NRXN1: variants seen among roughly 807,000 people sequenced by gnomAD.
NRXN1 encodes the protein neurexin 1.
A neutral mutation model predicts 150.9 loss-of-function variants in NRXN1; 39 were observed. The ratio of observed to expected loss-of-function variants is 0.26; its 90% CI spans 0.20 to 0.34. NRXN1 has a LOEUF of 0.34. NRXN1 is among the 10% of genes least tolerant of loss of function. NRXN1 has a pLI of 1.00. For missense variants in NRXN1, 1,815 were observed against 1,949.9 expected, an observed-to-expected ratio of 0.93 and a Z score of 1.30; for synonymous variants, 924 against 757.0, an observed-to-expected ratio of 1.22 and a Z score of -3.62.
At chr2:50,454,508 C>T (rs1431761687) in intron 17 of NRXN1, among the ~76,000 whole-genome samples, 1 of 152,052 alleles carries the variant, frequency 6.6e-6, no homozygotes, top group Admixed American at 6.6e-5. Flanking sequence ...GATACACACA[C>T]AGAACCTTTA....
intron 5 of NRXN1, among the ~76,000 whole-genome samples, chr2:50,631,733 T>C (rs1267564788): frequency 6.6e-6 from 1 of 151,986 alleles, no homozygotes; most frequent in Non-Finnish European, 1.5e-5. Flanking sequence ...CAGGCCATTC[T>C]GTGTCTGGCT....
chr2:50,134,719 C>T (rs7607863), intron 18 of NRXN1, among the ~76,000 whole-genome samples: 40,160 of 152,018 alleles, frequency 0.26, 7,047 homozygotes, highest in African/African-American at 0.47. Flanking sequence ...CTCTTAAGTC[C>T]CCTAGCTGCA....
chr2:50,369,362 AT>A (rs1312814337), intron 17 of NRXN1, among the ~76,000 whole-genome samples: 9 of 152,022 alleles, frequency 5.9e-5, no homozygotes, highest in Non-Finnish European at 1.5e-5. Flanking sequence ...TCAGTTTCAG[AT>A]TAAGCTTATT....
At chr2:50,975,374 G>C (rs1217639808) in intron 2 of NRXN1, among the ~76,000 whole-genome samples, 2 of 152,072 alleles carry the variant, frequency 1.3e-5, no homozygotes, top group African/African-American at 2.4e-5. Flanking sequence ...TTGAAAAACA[G>C]TGACTTAAAT....
At chr2:51,004,685 G>C (rs1416810365) in intron 2 of NRXN1, among the ~76,000 whole-genome samples, 1 of 151,790 alleles carries the variant, frequency 6.6e-6, no homozygotes, top group Non-Finnish European at 1.5e-5. Flanking sequence ...TTGCTCAAAA[G>C]GGACTCGGGG....
chr2:50,116,586 T>C (rs1303088847), intron 18 of NRXN1, among the ~76,000 whole-genome samples: 4 of 152,062 alleles, frequency 2.6e-5, no homozygotes, highest in Non-Finnish European at 5.9e-5. Context: ...TTGCTTTGCA[T>C]ATGTATAACA....
intron 5 of NRXN1, among the ~76,000 whole-genome samples, chr2:50,913,586 C>A (rs1156984097): frequency 6.6e-6 from 1 of 151,648 alleles, no homozygotes; most frequent in Admixed American, 6.6e-5. Flanking sequence ...CTGGGTTATG[C>A]AATAAAATAG....
chr2:50,269,430 T>C (rs902542145), intron 17 of NRXN1, among the ~76,000 whole-genome samples: 3 of 152,236 alleles, frequency 2.0e-5, no homozygotes, highest in Non-Finnish European at 2.9e-5. Flanking sequence ...AAGTCCATGA[T>C]TACGTCTACG....
intron 17 of NRXN1, among the ~76,000 whole-genome samples, chr2:50,439,721 G>A (rs1182389018): frequency 3.3e-5 from 5 of 151,772 alleles, no homozygotes; most frequent in Non-Finnish European, 5.9e-5. Flanking sequence ...GGAGGCTGAG[G>A]CAGGAGAATG....
intron 18 of NRXN1, among the ~76,000 whole-genome samples, chr2:50,098,304 A>G (rs955121051): frequency 6.6e-5 from 10 of 152,128 alleles, no homozygotes; most frequent in Admixed American, 3.3e-4. Context: ...GGGAAGGTAA[A>G]TCGTGCATGC....
At chr2:50,001,421 G>T (rs1683904435) in intron 21 of NRXN1, among the ~76,000 whole-genome samples, 1 of 152,028 alleles carries the variant, frequency 6.6e-6, no homozygotes, top group Non-Finnish European at 1.5e-5. Flanking sequence ...TTAATCACCA[G>T]GGGCTTAAAT....
chr2:50,940,261 G>C (rs1367321804), intron 2 of NRXN1, among the ~76,000 whole-genome samples: 1 of 151,996 alleles, frequency 6.6e-6, no homozygotes, highest in Admixed American at 6.6e-5. Context: ...AGGATCATGA[G>C]GTTAAGAGAT....
At chr2:50,744,353 T>C (rs532745860) in intron 5 of NRXN1, among the ~76,000 whole-genome samples, 2 of 152,200 alleles carry the variant, frequency 1.3e-5, no homozygotes, top group South Asian at 4.1e-4. Flanking sequence ...CAAGTGCTCA[T>C]CTCCCCAGAT....
At chr2:50,507,838 G>T (rs375753601) in intron 12 of NRXN1, among the ~76,000 whole-genome samples, 6 of 151,802 alleles carry the variant, frequency 4.0e-5, no homozygotes, top group Admixed American at 6.6e-5. Flanking sequence ...ATAATGAAGG[G>T]CATTATATCA....
intron 2 of NRXN1, among the ~76,000 whole-genome samples, chr2:50,990,286 C>T (rs775647607): frequency 6.6e-6 from 1 of 151,846 alleles, no homozygotes; most frequent in East Asian, 1.9e-4. Flanking sequence ...ACCTTTGAAG[C>T]CCAGTGCTAA....
At position 50,901,009 on chromosome 2, in the gene NRXN1, G is replaced by A. The variant is rs147277436; in HGVS notation, c.832+20860C>T. Among the ~76,000 whole-genome samples the A allele has an allele frequency of 1.3e-3, 197 of 152,082 alleles. 1 individual carries two copies. Among genetic ancestry groups the A allele is most frequent in the Non-Finnish European group, 2.4e-3 (160 of 68,002 alleles). On this transcript the variant is annotated intron_variant, in intron 5 of 22. Transcript: ENST00000401669. ...AAAAATTAAACCTCCTTTTCTCATCGGTACACTCCTGTGTCCCATTCACTG... is the reference window on the plus strand; with the variant it reads ...AAAAATTAAACCTCCTTTTCTCATCAGTACACTCCTGTGTCCCATTCACTG...
chr2:50,772,901 T>A (rs1703179245), intron 5 of NRXN1, among the ~76,000 whole-genome samples: 1 of 152,064 alleles, frequency 6.6e-6, no homozygotes, highest in African/African-American at 2.4e-5. Context: ...GTGGCTAAAC[T>A]CAATGCCCTA....
At chr2:50,646,972 A>T (rs931949475) in intron 5 of NRXN1, among the ~76,000 whole-genome samples, 19 of 151,780 alleles carry the variant, frequency 1.3e-4, no homozygotes, top group African/African-American at 4.6e-4. Flanking sequence ...TTTCTAATGA[A>T]GATGTAAAAG....
intron 17 of NRXN1, among the ~76,000 whole-genome samples, chr2:50,296,545 T>C (rs1443535882): frequency 6.6e-6 from 1 of 151,328 alleles, no homozygotes; most frequent in Non-Finnish European, 1.5e-5. Flanking sequence ...ATCATTATTA[T>C]TATTACTTGA....
Sources: allele counts gnomAD v4.1 joint callset (sites outside exome capture counted in the v4.1 genomes callset), GRCh38; gene constraint gnomAD v4.1.1; transcripts MANE v1.5; gene names NCBI Gene and HGNC (gene_info 2026-07-23, HGNC 2026-07-21).